The following AK9 variants were observed in gnomAD, a reference collection of about 807,000 sequenced individuals.
The protein encoded by AK9 is adenylate kinase 9, also known as adenylate kinase domain containing 1.
In AK9, 191 loss-of-function variants were observed where a neutral mutation model predicts 239.6. That is an observed-to-expected ratio of 0.80 (90% CI 0.71 to 0.90). The LOEUF is 0.90. Ranked by LOEUF, AK9 falls within the 40% of genes least tolerant of loss-of-function variation. The pLI, the probability that AK9 is intolerant of heterozygous loss-of-function variation, is 0.00. For synonymous variants in AK9, 689 were observed against 721.0 expected, an observed-to-expected ratio of 0.96 and a Z score of 0.71; for missense variants, 1,995 against 2,214.7, an observed-to-expected ratio of 0.90 and a Z score of 1.99.
chr6:109,645,881 A>G (rs557130782), intron 8 of AK9, among the ~76,000 whole-genome samples: 4 of 152,286 alleles, frequency 2.6e-5, no homozygotes, highest in African/African-American at 9.6e-5. Flanking sequence ...AGGCAGCAAC[A>G]TTTGCTGTTC....
At position 109,603,485 on chromosome 6, in the gene AK9, G is replaced by C. The variant is rs546793794; in HGVS notation, c.1842+6880C>G. The stretch of plus-strand genomic sequence containing the variant: ...TGTGAGGTGTCAGTCTGCCCCTACT[G>C]GGGGGTGCCTCCCAGTTAGGCTACT... On this transcript the variant is annotated intron_variant, in intron 17 of 40. Coordinates refer to ENST00000424296, the MANE Select transcript of AK9 (RefSeq NM_001145128.3). 7.9e-5 allele frequency among the ~76,000 whole-genome samples: 12 copies of C among 152,288 alleles called. No individual in the cohort carries two copies. In the South Asian group the frequency reaches 2.3e-3, roughly 29 times the overall value.
At chr6:109,568,702 C>A (rs1390806412) in intron 21 of AK9, among the ~76,000 whole-genome samples, 1 of 151,938 alleles carries the variant, frequency 6.6e-6, no homozygotes, top group African/African-American at 2.4e-5. Flanking sequence ...GAATAAAATA[C>A]CTAGGAATCC....
intron 10 of AK9, among the ~76,000 whole-genome samples, chr6:109,634,030 C>G (rs1239387458): frequency 1.3e-5 from 2 of 152,120 alleles, no homozygotes; most frequent in Non-Finnish European, 2.9e-5. Flanking sequence ...GATGAGAAAA[C>G]TGGTGAGAGA....
chr6:109,675,765 A>G lies in AK9; in HGVS notation c.-11-9T>C. On this transcript the variant is annotated splice_polypyrimidine_tract_variant and intron_variant, in intron 1 of 40. Transcript: ENST00000424296. ...AGTCATGACACAAAATACTACAATAAAAAAGGGTAAGATTGTTAACTTGTC... is the reference window on the plus strand; with the variant it reads ...AGTCATGACACAAAATACTACAATAGAAAAGGGTAAGATTGTTAACTTGTC... The G allele has an allele frequency of 1.4e-6, 2 of 1,460,794 alleles. No individual in the cohort carries two copies. Among genetic ancestry groups the G allele is most frequent in the Non-Finnish European group, 1.9e-6 (2 of 1,064,626 alleles). 90.5% of individuals were successfully genotyped at this position (1,460,794 alleles called of 1,614,324 possible). A position where few individuals can be genotyped will look rare whatever the true frequency, so the allele number is the denominator to read the frequency against.
At chr6:109,685,255 T>C (rs1372182511) in intron 1 of AK9, among the ~76,000 whole-genome samples, 1 of 152,156 alleles carries the variant, frequency 6.6e-6, no homozygotes, top group African/African-American at 2.4e-5. Flanking sequence ...TTAGAAATCA[T>C]TCTACTATAA....
At chr6:109,678,052 A>G (rs1772022811) in intron 1 of AK9, among the ~76,000 whole-genome samples, 1 of 152,164 alleles carries the variant, frequency 6.6e-6, no homozygotes, top group African/African-American at 2.4e-5. Context: ...TAGCCATTGC[A>G]CTTTTTGGCA....
At chr6:109,541,189 A>AT (rs1375724504) in intron 27 of AK9, among the ~76,000 whole-genome samples, 1 of 152,190 alleles carries the variant, frequency 6.6e-6, no homozygotes, top group African/African-American at 2.4e-5. Flanking sequence ...TTTCCCCTTG[A>AT]TTATAAAAGC....
chr6:109,605,775 G>T (rs9398210), intron 17 of AK9, among the ~76,000 whole-genome samples: 31,562 of 152,126 alleles, frequency 0.21, 3,456 homozygotes, highest in South Asian at 0.34. Flanking sequence ...GGGTACCTGA[G>T]GATGCAAGTT....
At position 109,574,513 on chromosome 6, in the gene AK9, G is replaced by A. The variant is rs112297692; in HGVS notation, c.2192-919C>T. ...CATCTTCATTTCTTTTGGTGACAAA[G>A]TCAAAGTATTGCTAATATTATTGTG... On this transcript the variant is annotated intron_variant, in intron 20 of 40. Transcript: ENST00000424296. 6.3e-3 allele frequency among the ~76,000 whole-genome samples: 955 copies of A among 152,248 alleles called. 16 individuals are homozygous for A. Among genetic ancestry groups the A allele is most frequent in the African/African-American group, 0.022 (909 of 41,552 alleles).
intron 32 of AK9, among the ~76,000 whole-genome samples, chr6:109,509,653 T>C (rs1036465928): frequency 3.9e-5 from 6 of 152,010 alleles, no homozygotes; most frequent in Non-Finnish European, 8.8e-5. Context: ...ACTGCGGCTA[T>C]GGGTCTGAGC....
chr6:109,668,058 A>G (rs1479387775), intron 5 of AK9, among the ~76,000 whole-genome samples: 1 of 152,102 alleles, frequency 6.6e-6, no homozygotes, highest in East Asian at 1.9e-4. Flanking sequence ...CCTCTCCAGC[A>G]CCTGTTGTTT....
Position 109,506,740 on chromosome 6 carries a change from T to G in AK9, c.4542A>C (p.Ser1514=), listed in dbSNP as rs1778160626. 1 of 1,531,344 alleles carries G rather than the reference T, an allele frequency of 6.5e-7. No homozygotes were observed. Among genetic ancestry groups the G allele is most frequent in the Non-Finnish European group, 8.8e-7 (1 of 1,131,948 alleles). The allele number at this position is 1,531,344 out of a possible 1,614,324, so 94.9% of individuals were successfully genotyped here. A position where few individuals can be genotyped will look rare whatever the true frequency, so the allele number is the denominator to read the frequency against. ...ATTCAAAGATGACCATGGGAATGAT[T>G]GACCTAGCTTCCAAGAGATTCATTT... ...KHQMNLLEAR[S]IIPMVIFELS... Residue 1514 remains serine (S), a synonymous_variant, in exon 34 of 41, where the codon TCA becomes TCC. Coordinates refer to ENST00000424296, the MANE Select transcript of AK9 (RefSeq NM_001145128.3).
intron 27 of AK9, among the ~76,000 whole-genome samples, chr6:109,537,474 A>G (rs13215185): frequency 0.047 from 5,195 of 110,098 alleles, 157 homozygotes; most frequent in Non-Finnish European, 0.063. Flanking sequence ...TTTTTATTGC[A>G]TCTATTTGAT....
intron 38 of AK9, 28 bp downstream of exon 38, chr6:109,497,437 G>A (rs1489396617): frequency 2.1e-5 from 30 of 1,427,662 alleles, no homozygotes; most frequent in Non-Finnish European, 2.9e-5. Flanking sequence ...CAGATTTTCA[G>A]TAAATATTTG....
At chr6:109,531,984 C>A (rs924880872) in intron 28 of AK9, among the ~76,000 whole-genome samples, 3 of 152,126 alleles carry the variant, frequency 2.0e-5, no homozygotes, top group African/African-American at 7.2e-5. Context: ...AAGGGATTTC[C>A]TCTGGCTAAC....
chr6:109,656,952 C>T, intron 7 of AK9, 68 bp from the exon 8 acceptor site: 1 of 1,556,808 alleles, frequency 6.4e-7, no homozygotes, highest in Non-Finnish European at 8.8e-7. Context: ...AGCCATATTC[C>T]CCACTCCTTA....
intron 12 of AK9, 140 bp from the exon 13 acceptor site, chr6:109,619,376 G>T: frequency 1.0e-6 from 1 of 998,012 alleles, no homozygotes; most frequent in Non-Finnish European, 1.3e-6. Flanking sequence ...TATATTTGGA[G>T]TTATGTTCAG....
At chr6:109,624,481 T>A (rs1795282004) in intron 12 of AK9, among the ~76,000 whole-genome samples, 1 of 152,228 alleles carries the variant, frequency 6.6e-6, no homozygotes, top group Admixed American at 6.5e-5. Context: ...TTTGCCTGAA[T>A]ATAAAATTCT....
Position 109,624,618 on chromosome 6 carries a change from G to T in AK9, c.1255-5382C>A, listed in dbSNP as rs183293964. ...AGTTTTCCTCTCCAGAGTCTTCTAG[G>T]CTCATTTTACAGAAGCTTCTGGATC... On this transcript the variant is annotated intron_variant, in intron 12 of 40. Transcript: ENST00000424296. 3.0e-3 allele frequency among the ~76,000 whole-genome samples: 452 copies of T among 152,170 alleles called. 2 individuals carry two copies. The highest frequency in any genetic ancestry group is 5.5e-3 in the Non-Finnish European group (371 of 68,018).
Sources: allele counts gnomAD v4.1 joint callset (sites outside exome capture counted in the v4.1 genomes callset), GRCh38; gene constraint gnomAD v4.1.1; transcripts MANE v1.5; gene names NCBI Gene and HGNC (gene_info 2026-07-23, HGNC 2026-07-21).